The following FMN1 variants were observed in gnomAD, a reference collection of about 807,000 sequenced individuals.
The protein encoded by FMN1 is formin 1, also known as formin-1.
Under a neutral mutation model 132.4 loss-of-function variants are expected in FMN1, and 110 were observed. That is an observed-to-expected ratio of 0.83 (90% confidence interval 0.71 to 0.97). The LOEUF is 0.97. Ranked by LOEUF, FMN1 falls within the 50% of genes least tolerant of loss-of-function variation. FMN1 has a pLI of 0.00. For synonymous variants in FMN1, 722 were observed against 651.7 expected, an observed-to-expected ratio of 1.11 and a Z score of -1.64; for missense variants, 1,792 against 1,705.3, an observed-to-expected ratio of 1.05 and a Z score of -0.90.
At chr15:32,784,468 A>C (rs998455825) in intron 19 of FMN1, among the ~76,000 whole-genome samples, 7 of 152,312 alleles carry the variant, frequency 4.6e-5, no homozygotes, top group African/African-American at 7.2e-5. Flanking sequence ...CAGGAGAAAG[A>C]CAACAGAAGC....
intron 7 of FMN1, among the ~76,000 whole-genome samples, chr15:32,976,721 C>T (rs1389780285): frequency 6.6e-6 from 1 of 152,030 alleles, no homozygotes; most frequent in Non-Finnish European, 1.5e-5. Context: ...AGAAACAGGG[C>T]AGGAAAAGAA....
chr15:33,128,568 C>T (rs1303689191), intron 4 of FMN1, among the ~76,000 whole-genome samples: 2 of 152,230 alleles, frequency 1.3e-5, no homozygotes, highest in East Asian at 1.9e-4. Flanking sequence ...GAGTTTCTTG[C>T]TTCCGATGCG....
intron 6 of FMN1, among the ~76,000 whole-genome samples, chr15:33,050,749 C>A (rs771475648): frequency 1.3e-5 from 2 of 152,062 alleles, no homozygotes; most frequent in Admixed American, 6.6e-5. Flanking sequence ...ATGCATAAAC[C>A]AAATATACAA....
intron 4 of FMN1, 21 bp from the exon 5 acceptor site, chr15:33,088,995 C>T: frequency 6.6e-7 from 1 of 1,517,142 alleles, no homozygotes; most frequent in South Asian, 1.2e-5. Flanking sequence ...ACAGAGAAGG[C>T]CATCAGTGAC....
intron 4 of FMN1, among the ~76,000 whole-genome samples, chr15:33,099,045 C>A (rs1458752073): frequency 1.3e-5 from 2 of 152,128 alleles, no homozygotes; most frequent in Non-Finnish European, 2.9e-5. Context: ...GGCTGGTGGA[C>A]TGCTTGAGCC....
chr15:32,867,468 G>A (rs1209910557), intron 16 of FMN1, among the ~76,000 whole-genome samples: 3 of 151,696 alleles, frequency 2.0e-5, no homozygotes, highest in Non-Finnish European at 2.9e-5. Flanking sequence ...CCTAGTCAGT[G>A]CTTAGTCATC....
At chr15:33,127,267 T>G (rs1212632324) in intron 4 of FMN1, among the ~76,000 whole-genome samples, 1 of 152,182 alleles carries the variant, frequency 6.6e-6, no homozygotes, top group Non-Finnish European at 1.5e-5. Flanking sequence ...TCTCCCTCCT[T>G]ATTCTTCACA....
At chr15:33,124,100 C>T (rs907175043) in intron 4 of FMN1, among the ~76,000 whole-genome samples, 1 of 152,104 alleles carries the variant, frequency 6.6e-6, no homozygotes, top group Non-Finnish European at 1.5e-5. Context: ...GACCAGGTGA[C>T]GTGAATTATC....
chr15:33,008,777 T>A (rs1203546385), intron 6 of FMN1, among the ~76,000 whole-genome samples: 1 of 152,202 alleles, frequency 6.6e-6, no homozygotes, highest in African/African-American at 2.4e-5. Context: ...AAGACAACTT[T>A]ATTTCCAGCA....
chr15:32,927,894 T>C (rs2061002295), intron 9 of FMN1, among the ~76,000 whole-genome samples: 1 of 152,222 alleles, frequency 6.6e-6, no homozygotes, highest in Non-Finnish European at 1.5e-5. Context: ...ACCTAGGTAC[T>C]TACAGAATTG....
chr15:33,181,188 C>T (rs76343851), intron 2 of FMN1, among the ~76,000 whole-genome samples: 1,782 of 152,320 alleles, frequency 0.012, 22 homozygotes, highest in Non-Finnish European at 0.018. Context: ...CATGAGGCCA[C>T]TCCCTTCTGC....
Position 33,035,358 on chromosome 15 carries a change from AT to A in FMN1, c.2162-27284del, listed in dbSNP as rs562107966. Among the ~76,000 whole-genome samples the A allele has an allele frequency of 1.4e-3, 216 of 152,260 alleles. 1 individual carries two copies. The highest frequency in any genetic ancestry group is 5.1e-3 in the African/African-American group (210 of 41,536). ...TTAGCTACGATTAAAATAAAAAATG[AT>A]TTTTTTCCTATCTACATTCGATAGA... On this transcript the variant is annotated intron_variant, in intron 6 of 20. Transcript: ENST00000616417.
chr15:33,048,651 C>CAAAAAAAAAAAAAAAAAAAAAAAA (rs1338668794), intron 6 of FMN1, among the ~76,000 whole-genome samples: 8 of 120,110 alleles, frequency 6.7e-5, no homozygotes, highest in African/African-American at 1.2e-4. Flanking sequence ...AAAAAAAAAC[C>CAAAAAAAAAAAAAAAAAAAAAAAA]AACAGTTTAA....
chr15:33,089,062 T>C, intron 4 of FMN1, 88 bp from the exon 5 acceptor site: 1 of 1,020,230 alleles, frequency 9.8e-7, no homozygotes, highest in Non-Finnish European at 1.4e-6. Flanking sequence ...CTACATAGAC[T>C]TCTCTATGCT....
intron 16 of FMN1, among the ~76,000 whole-genome samples, chr15:32,864,629 T>C (rs1363061637): frequency 6.6e-6 from 1 of 152,204 alleles, no homozygotes; most frequent in Admixed American, 6.5e-5. Flanking sequence ...CAGTTGTCCA[T>C]TCAAGTTAAA....
intron 16 of FMN1, among the ~76,000 whole-genome samples, chr15:32,867,171 C>G (rs1265658804): frequency 6.6e-6 from 1 of 152,188 alleles, no homozygotes; most frequent in Admixed American, 6.5e-5. Context: ...CACCCTGCCT[C>G]TCTCTGATTT....
At chr15:33,184,186 G>C (rs1413571738) in intron 2 of FMN1, among the ~76,000 whole-genome samples, 1 of 152,176 alleles carries the variant, frequency 6.6e-6, no homozygotes, top group Non-Finnish European at 1.5e-5. Context: ...TAGAGAGACA[G>C]ACAGACAGCT....
intron 17 of FMN1, among the ~76,000 whole-genome samples, chr15:32,808,980 T>G (rs934852111): frequency 4.6e-5 from 7 of 152,112 alleles, no homozygotes; most frequent in African/African-American, 1.7e-4. Flanking sequence ...AAAGGGTGGT[T>G]CCCTATGTCT....
intron 4 of FMN1, among the ~76,000 whole-genome samples, chr15:33,143,111 C>A (rs1471563009): frequency 1.3e-5 from 2 of 152,144 alleles, no homozygotes; most frequent in African/African-American, 2.4e-5. Flanking sequence ...AGATCAGTTT[C>A]TTTGTTCCCC....
Sources: gnomAD v4.1 joint callset for allele counts (sites outside exome capture counted in the v4.1 genomes callset) on GRCh38, gnomAD v4.1.1 for gene constraint, MANE v1.5 for transcripts, NCBI Gene and HGNC (gene_info 2026-07-23, HGNC 2026-07-21) for gene names.